ATP1A1: variants seen among roughly 807,000 people sequenced by gnomAD.
ATP1A1 encodes ATPase Na+/K+ transporting subunit alpha 1, also known as sodium/potassium-transporting ATPase subunit alpha-1.
A neutral mutation model predicts 114.8 loss-of-function variants in ATP1A1; 14 were observed. The ratio of observed to expected loss-of-function variants is 0.12; its 90% CI spans 0.08 to 0.19. The LOEUF (loss-of-function observed/expected upper bound fraction) is 0.19. Ranked by LOEUF, ATP1A1 falls within the 10% of genes least tolerant of loss-of-function variation. The pLI, the probability that ATP1A1 is intolerant of heterozygous loss-of-function variation, is 1.00. For missense variants in ATP1A1, 524 were observed against 1,290.7 expected (o/e 0.41, Z 9.10); for synonymous variants, 471 against 466.3 (o/e 1.01, Z -0.13).
Position 116,401,688 on chromosome 1 carries a change from T to G in ATP1A1, c.2951+33T>G, listed in dbSNP as rs750441419. On this transcript the variant is annotated intron_variant, in intron 21 of 22. Coordinates refer to ENST00000295598, the MANE Select transcript of ATP1A1 (RefSeq NM_000701.8). This position sits in a 1 kb window ranked among gnomAD's most constrained non-coding sequence, Gnocchi z 4.7. ...GATCCTCTGGTAGCTCCAAAAAGTA[T>G]GAAATAGTATGTGTGGCTTTTCCCC... 4 of 1,583,896 alleles carry G rather than the reference T, an allele frequency of 2.5e-6. No homozygotes were observed. The highest frequency in any genetic ancestry group is 3.5e-6 in the Non-Finnish European group (4 of 1,154,922).
chr1:116,391,577 T>C (rs1375226464), intron 10 of ATP1A1, among the ~76,000 whole-genome samples: 1 of 152,212 alleles, frequency 6.6e-6, no homozygotes, highest in Non-Finnish European at 1.5e-5. Flanking sequence ...TCTGTGAAGC[T>C]GCCTGTAGTA....
intron 1 of ATP1A1, among the ~76,000 whole-genome samples, chr1:116,379,573 C>G (rs1017985639): frequency 1.3e-5 from 2 of 152,164 alleles, no homozygotes; most frequent in African/African-American, 4.8e-5. Context: ...TAGATCATTT[C>G]TTGACTGTTA....
In ATP1A1 at chr1:116,388,465, A is replaced by G; in HGVS notation, c.502-173A>G. On this transcript the variant is annotated intron_variant, in intron 5 of 22. Transcript: ENST00000295598. The surrounding 1 kb of genome is among the most constrained non-coding windows in gnomAD (Gnocchi z 5.6). The stretch of plus-strand genomic sequence containing the variant: ...GAATACAGGCACACCATGTAACAGC[A>G]ATATCTCTTAAACTGGCGAGCAAGC... 9.9e-7 allele frequency: 1 copy of G among 1,007,856 alleles called. No individual in the cohort carries two copies. The highest frequency in any genetic ancestry group is 1.4e-6 in the Non-Finnish European group (1 of 702,894). The allele number at this position is 1,007,856 out of a possible 1,614,324, so 62.4% of individuals were successfully genotyped here. A position where few individuals can be genotyped will look rare whatever the true frequency, so the allele number is the denominator to read the frequency against.
chr1:116,391,763 C>A (rs1280886451), intron 10 of ATP1A1, among the ~76,000 whole-genome samples: 5 of 152,144 alleles, frequency 3.3e-5, no homozygotes, highest in African/African-American at 1.2e-4. Flanking sequence ...ATAAATGTTT[C>A]ATGTTTTTCT....
At position 116,390,389 on chromosome 1, in the gene ATP1A1, T is replaced by C; in HGVS notation, c.1200T>C (p.Ala400=). 6.2e-7 allele frequency: 1 copy of C among 1,614,116 alleles called. No individual in the cohort carries two copies. The highest frequency in any genetic ancestry group is 8.5e-7 in the Non-Finnish European group (1 of 1,180,034). Residue 400 remains alanine, a synonymous_variant, in exon 9 of 23, where the codon GCT becomes GCC. Coordinates refer to ENST00000295598, the MANE Select transcript of ATP1A1 (RefSeq NM_000701.8). ...GGTTTGACAATCAAATCCATGAAGCTGATACGACAGAGAATCAGAGTGGTA... is the reference window on the plus strand; with the variant it reads ...GGTTTGACAATCAAATCCATGAAGCCGATACGACAGAGAATCAGAGTGGTA... ...HMWFDNQIHE[A]DTTENQSGVS...
chr1:116,387,849 A>G lies in ATP1A1; in HGVS notation c.388-282A>G, dbSNP rs535465242. On this transcript the variant is annotated intron_variant, in intron 4 of 22. Coordinates refer to ENST00000295598, the MANE Select transcript of ATP1A1 (RefSeq NM_000701.8). The surrounding 1 kb of genome is among the most constrained non-coding windows in gnomAD (Gnocchi z 6.7). Reference sequence around the variant, plus strand: ...TTGGTGGCCATTCTTCAAAATCCACAAGTTGGTTGAAAAACAATCTTTGTT... The same window carrying G: ...TTGGTGGCCATTCTTCAAAATCCACGAGTTGGTTGAAAAACAATCTTTGTT... Among the ~76,000 whole-genome samples, 1 of 152,332 alleles carries G rather than the reference A, an allele frequency of 6.6e-6. No homozygotes were observed. The highest frequency in any genetic ancestry group is 2.1e-4 in the South Asian group (1 of 4,826).
chr1:116,399,219 C>T lies in ATP1A1; in HGVS notation c.2448+135C>T. 7.1e-7 allele frequency: 1 copy of T among 1,407,610 alleles called. No individual in the cohort carries two copies. The highest frequency in any genetic ancestry group is 1.3e-5 in the South Asian group (1 of 74,520). 87.2% of individuals were successfully genotyped at this position (1,407,610 alleles called of 1,614,324 possible). On this transcript the variant is annotated intron_variant, in intron 17 of 22. Transcript: ENST00000295598. This position sits in a 1 kb window ranked among gnomAD's most constrained non-coding sequence, Gnocchi z 5.0. Reference sequence around the variant, plus strand: ...CTCAGGACCAGTATCCAGTGTGTGTCCCAATCCCGGCTTCACAGAATCAGT... The same window carrying T: ...CTCAGGACCAGTATCCAGTGTGTGTTCCAATCCCGGCTTCACAGAATCAGT...
Position 116,388,118 on chromosome 1 carries a change from T to C in ATP1A1, c.388-13T>C, listed in dbSNP as rs1475182500. Reference sequence around the variant, plus strand: ...GTAGAGCCACGGGCCCTAACTTGTCTTTTCCCTTCCAGCTGTACCTGGGTG... The same window carrying C: ...GTAGAGCCACGGGCCCTAACTTGTCCTTTCCCTTCCAGCTGTACCTGGGTG... On this transcript the variant is annotated splice_polypyrimidine_tract_variant and intron_variant, in intron 4 of 22. Coordinates refer to ENST00000295598, the MANE Select transcript of ATP1A1 (RefSeq NM_000701.8). This position sits in a 1 kb window ranked among gnomAD's most constrained non-coding sequence, Gnocchi z 5.6. The C allele has an allele frequency of 6.3e-7, 1 of 1,597,952 alleles. No homozygotes were observed. The highest frequency in any genetic ancestry group is 1.7e-5 in the Admixed American group (1 of 59,534).
At chr1:116,392,625 C>G (rs1245591924) in intron 10 of ATP1A1, 1 of 436,618 alleles carries the variant, frequency 2.3e-6, no homozygotes, top group Non-Finnish European at 4.0e-6. Flanking sequence ...TCACTAGAAG[C>G]TGCTGTGGGG....
In ATP1A1 at chr1:116,399,112, T is replaced by C. The variant is rs779747462; in HGVS notation, c.2448+28T>C. On this transcript the variant is annotated intron_variant, in intron 17 of 22. Coordinates refer to ENST00000295598, the MANE Select transcript of ATP1A1 (RefSeq NM_000701.8). This position sits in a 1 kb window ranked among gnomAD's most constrained non-coding sequence, Gnocchi z 5.0. ...GAGTGTCACAACAGTCACAGATCGA[T>C]AGTAGTGAGGTGTGAGCTGTGTCTT... The C allele has an allele frequency of 2.5e-6, 4 of 1,613,882 alleles. No individual in the cohort carries two copies. In the Admixed American group the frequency reaches 6.7e-5, roughly 27 times the overall value.
chr1:116,376,907 A>G (rs1168445706), intron 1 of ATP1A1, among the ~76,000 whole-genome samples: 1 of 152,258 alleles, frequency 6.6e-6, no homozygotes, highest in Non-Finnish European at 1.5e-5. Flanking sequence ...CAAAAATAAA[A>G]GTGAACTCAA....
At position 116,389,554 on chromosome 1, in the gene ATP1A1, T is replaced by C. The variant is rs1305031582; in HGVS notation, c.870T>C (p.His290=). The change falls in exon 8 of 23, where the codon CAT becomes CAC. Residue 290 remains histidine (H), a synonymous_variant. Coordinates refer to ENST00000295598, the MANE Select transcript of ATP1A1 (RefSeq NM_000701.8). The surrounding 1 kb of genome is among the most constrained non-coding windows in gnomAD (Gnocchi z 6.9). ...GQTPIAAEIE[H]FIHIITGVAV... is the part of the protein sequence containing the mutation. ...CCCCCATTGCTGCAGAAATTGAACA[T>C]TTTATCCACATCATCACGGGTGTGG... The C allele has an allele frequency of 3.1e-6, 5 of 1,614,172 alleles. No homozygotes were observed. The highest frequency in any genetic ancestry group is 4.2e-6 in the Non-Finnish European group (5 of 1,180,022).
chr1:116,389,097 T>C lies in ATP1A1; in HGVS notation c.754+78T>C, dbSNP rs191647006. 8.4e-6 allele frequency: 11 copies of C among 1,303,848 alleles called. No individual in the cohort carries two copies. In the East Asian group the frequency reaches 2.5e-4, roughly 30 times the overall value. 80.8% of individuals were successfully genotyped at this position (1,303,848 alleles called of 1,614,324 possible). A position where few individuals can be genotyped will look rare whatever the true frequency, so the allele number is the denominator to read the frequency against. On this transcript the variant is annotated intron_variant, in intron 7 of 22. Coordinates refer to ENST00000295598, the MANE Select transcript of ATP1A1 (RefSeq NM_000701.8). The surrounding 1 kb of genome is among the most constrained non-coding windows in gnomAD (Gnocchi z 6.9). ...AACAAAATCAAAACCATAGGCACAA[T>C]CTCTTGTTTTATTGGCTCCATTTCT... is the stretch of plus-strand genomic sequence containing the variant.
chr1:116,399,314 C>G lies in ATP1A1; in HGVS notation c.2449-106C>G, dbSNP rs1288591403. The G allele has an allele frequency of 6.8e-7, 1 of 1,469,848 alleles. No individual in the cohort carries two copies. The highest frequency in any genetic ancestry group is 1.4e-5 in the African/African-American group (1 of 70,574). 91.1% of individuals were successfully genotyped at this position (1,469,848 alleles called of 1,614,324 possible). On this transcript the variant is annotated intron_variant, in intron 17 of 22. Coordinates refer to ENST00000295598, the MANE Select transcript of ATP1A1 (RefSeq NM_000701.8). The surrounding 1 kb of genome is among the most constrained non-coding windows in gnomAD (Gnocchi z 5.0). ...GGAATCTTTATTTTTGTATACTTCACCTAAAAGATTTTTAAATGGGAGGGC... is the reference window on the plus strand; with the variant it reads ...GGAATCTTTATTTTTGTATACTTCAGCTAAAAGATTTTTAAATGGGAGGGC...
intron 21 of ATP1A1, among the ~76,000 whole-genome samples, chr1:116,403,175 C>T (rs535709298): frequency 1.3e-5 from 2 of 152,312 alleles, no homozygotes; most frequent in South Asian, 2.1e-4. Context: ...CAAATGAGAT[C>T]ATCTCTCTTA....
In ATP1A1 at chr1:116,373,377, C is replaced by T. The variant is rs1260371459; in HGVS notation, c.-135C>T. 9 of 523,120 alleles carry T rather than the reference C, an allele frequency of 1.7e-5. 1 individual carries two copies. The highest frequency in any genetic ancestry group is 5.6e-5 in the East Asian group (1 of 17,842). 32.4% of individuals were successfully genotyped at this position (523,120 alleles called of 1,614,324 possible). Reference sequence around the variant, plus strand: ...CCGAGCCGCCGGCCGCCCTCCCACCCTCCCGCCCCGCGGCAGCCCTAGCTC... The same window carrying T: ...CCGAGCCGCCGGCCGCCCTCCCACCTTCCCGCCCCGCGGCAGCCCTAGCTC... On this transcript the variant is annotated 5_prime_UTR_variant, in exon 1 of 23. Transcript: ENST00000295598.
chr1:116,384,160 T>A lies in ATP1A1; in HGVS notation c.123+36T>A. Reference sequence around the variant, plus strand: ...GGAGGAATATTGTATTCCATCCTTATTAAAAATCCATGATTTTTAATCCCC... The same window carrying A: ...GGAGGAATATTGTATTCCATCCTTAATAAAAATCCATGATTTTTAATCCCC... On this transcript the variant is annotated intron_variant, in intron 2 of 22. Coordinates refer to ENST00000295598, the MANE Select transcript of ATP1A1 (RefSeq NM_000701.8). The surrounding 1 kb of genome is among the most constrained non-coding windows in gnomAD (Gnocchi z 5.1). 7 of 1,559,886 alleles carry A rather than the reference T, an allele frequency of 4.5e-6. No individual in the cohort carries two copies. Among genetic ancestry groups the A allele is most frequent in the Non-Finnish European group, 6.2e-6 (7 of 1,134,332 alleles).
In ATP1A1 at chr1:116,396,484, C is replaced by CT. The variant is rs141199958; in HGVS notation, c.1837-110dup. On this transcript the variant is annotated intron_variant, in intron 13 of 22. Transcript: ENST00000295598. ...TTAGTTTTATATTTGCATTCCTTTC[C>CT]TTTTGATAGTCTAAGCCGAATCATC... is the stretch of plus-strand genomic sequence containing the variant. 542 of 1,322,692 alleles carry CT rather than the reference C, an allele frequency of 4.1e-4. 2 individuals are homozygous for CT. The African/African-American group carries it at 7.7e-3, about 19-fold the overall frequency. 81.9% of individuals were successfully genotyped at this position (1,322,692 alleles called of 1,614,324 possible).
chr1:116,398,008 G>A lies in ATP1A1; in HGVS notation c.2094G>A (p.Lys698=). The stretch of plus-strand genomic sequence containing the variant: ...TTGCCAGGACCTCCCCTCAGCAGAA[G>A]CTCATCATTGTGGAAGGCTGCCAAA... ...IVFARTSPQQ[K]LIIVEGCQRQ... Residue 698 remains lysine (K), a synonymous_variant, in exon 15 of 23, where the codon AAG becomes AAA. Coordinates refer to ENST00000295598, the MANE Select transcript of ATP1A1 (RefSeq NM_000701.8). The surrounding 1 kb of genome is among the most constrained non-coding windows in gnomAD (Gnocchi z 6.1). 1 of 1,614,092 alleles carries A rather than the reference G, an allele frequency of 6.2e-7. No homozygotes were observed. Among genetic ancestry groups the A allele is most frequent in the Non-Finnish European group, 8.5e-7 (1 of 1,180,014 alleles).
Sources: gnomAD v4.1 joint callset for allele counts (sites outside exome capture counted in the v4.1 genomes callset) on GRCh38, gnomAD v4.1.1 for gene constraint, Gnocchi (gnomAD v3.1) non-coding constraint, MANE v1.5 for transcripts, NCBI Gene and HGNC (gene_info 2026-07-23, HGNC 2026-07-21) for gene names.